Variants in DCAF4 observed in about 807,000 individuals in gnomAD.
DCAF4 encodes DDB1 and CUL4 associated factor 4, also known as DDB1- and CUL4-associated factor 4.
DCAF4 carries 37 observed loss-of-function variants against 60.9 expected under a neutral mutation model. The ratio of observed to expected loss-of-function variants is 0.61; its 90% CI spans 0.47 to 0.80. The LOEUF (loss-of-function observed/expected upper bound fraction) is 0.80, where lower values mean the gene tolerates loss of function less well. Ranked by LOEUF, DCAF4 falls within the 30% of genes least tolerant of loss-of-function variation. DCAF4 has a pLI of 0.00. For missense variants in DCAF4, 577 were observed against 650.0 expected, an observed-to-expected ratio of 0.89 and a Z score of 1.22; for synonymous variants, 243 against 254.8, an observed-to-expected ratio of 0.95 and a Z score of 0.44.
At chr14:72,927,380 G>A (rs990643988) in intron 1 of DCAF4, among the ~76,000 whole-genome samples, 7 of 132,968 alleles carry the variant, frequency 5.3e-5, no homozygotes, top group Non-Finnish European at 1.1e-4. Flanking sequence ...TTGAGGCGGA[G>A]TCTCGCTGTC....
At chr14:72,954,072 G>A in intron 9 of DCAF4, 92 bp from the exon 10 acceptor site, 1 of 1,338,802 alleles carries the variant, frequency 7.5e-7, no homozygotes, top group Non-Finnish European at 1.1e-6. Flanking sequence ...CCTCTGAGCA[G>A]CTATGGGCAT....
chr14:72,948,628 A>G (rs750983329), intron 8 of DCAF4, among the ~76,000 whole-genome samples: 11 of 151,462 alleles, frequency 7.3e-5, no homozygotes, highest in South Asian at 2.1e-4. Flanking sequence ...TAAGGAGAGG[A>G]AAAAAAAATC....
intron 1 of DCAF4, among the ~76,000 whole-genome samples, chr14:72,930,544 C>CA (rs1555521634): frequency 6.6e-6 from 1 of 152,180 alleles, no homozygotes; most frequent in Non-Finnish European, 1.5e-5. Flanking sequence ...GCTGGGATTA[C>CA]AGGCGTGAGC....
At chr14:72,938,828 T>G (rs934834573) in intron 2 of DCAF4, among the ~76,000 whole-genome samples, 3 of 152,016 alleles carry the variant, frequency 2.0e-5, no homozygotes, top group Non-Finnish European at 4.4e-5. Context: ...GAGTGATGAG[T>G]GAACACAAAG....
At chr14:72,956,033 C>G (rs899970548) in intron 12 of DCAF4, among the ~76,000 whole-genome samples, 2 of 145,602 alleles carry the variant, frequency 1.4e-5, no homozygotes, top group African/African-American at 5.1e-5. Flanking sequence ...AGCGATTCTC[C>G]TGCCTCAGCC....
chr14:72,958,017 G>T (rs1892519924), intron 13 of DCAF4: 2 of 153,932 alleles, frequency 1.3e-5, no homozygotes, highest in South Asian at 4.1e-4. Flanking sequence ...AACATGAAAA[G>T]ATCAGGCCAG....
intron 1 of DCAF4, among the ~76,000 whole-genome samples, chr14:72,936,257 A>C (rs1389550341): frequency 6.6e-6 from 1 of 152,228 alleles, no homozygotes; most frequent in Non-Finnish European, 1.5e-5. Flanking sequence ...ATTGTTTAGG[A>C]CAATGAATAA....
Position 72,959,580 on chromosome 14 carries a change from T to C in DCAF4, c.*775T>C, listed in dbSNP as rs1892708976. The C allele has an allele frequency of 1.0e-6, 1 of 985,348 alleles. No homozygotes were observed. The highest frequency in any genetic ancestry group is 1.2e-6 in the Non-Finnish European group (1 of 829,948). The allele number at this position is 985,348 out of a possible 1,614,324, so 61.0% of individuals were successfully genotyped here. ...ACTTTTTGTAATCTAGGAGCGACAG[T>C]TCGTGAGATGTTTATTCAGTGTTAA... On this transcript the variant is annotated 3_prime_UTR_variant, in exon 14 of 14. Coordinates refer to ENST00000358377, the MANE Select transcript of DCAF4 (RefSeq NM_015604.4).
chr14:72,939,085 G>C (rs1428553426), intron 2 of DCAF4, among the ~76,000 whole-genome samples: 1 of 152,054 alleles, frequency 6.6e-6, no homozygotes, highest in Admixed American at 6.5e-5. Flanking sequence ...CGGGTGTGGT[G>C]GCTGACGCCT....
chr14:72,953,687 G>A (rs1891740207), intron 9 of DCAF4, among the ~76,000 whole-genome samples: 1 of 83,660 alleles, frequency 1.2e-5, no homozygotes, highest in Non-Finnish European at 2.5e-5. Flanking sequence ...TCCAGACTGG[G>A]CAAAAGAACA....
intron 9 of DCAF4, among the ~76,000 whole-genome samples, chr14:72,953,732 A>AAAAAAAAATATATATATATAT (rs1555527852): frequency 9.2e-5 from 2 of 21,778 alleles, no homozygotes; most frequent in African/African-American, 4.7e-4. Flanking sequence ...AAAAAAAAAA[A>AAAAAAAAATATATATATATAT]ATATATATAT....
intron 6 of DCAF4, among the ~76,000 whole-genome samples, chr14:72,945,081 TC>T (rs958595500): frequency 2.3e-4 from 35 of 150,662 alleles, no homozygotes; most frequent in African/African-American, 7.1e-4. Context: ...AGAGTAAGAC[TC>T]CCTCTCAAAA....
chr14:72,928,459 T>C (rs1567289772), intron 1 of DCAF4, among the ~76,000 whole-genome samples: 1 of 150,378 alleles, frequency 6.6e-6, no homozygotes, highest in Non-Finnish European at 1.5e-5. Flanking sequence ...CCTCCCAAAG[T>C]GCTGGGATTA....
At chr14:72,930,961 G>A (rs1888493075) in intron 1 of DCAF4, among the ~76,000 whole-genome samples, 1 of 152,114 alleles carries the variant, frequency 6.6e-6, no homozygotes, top group South Asian at 2.1e-4. Context: ...CTACTCCATT[G>A]ATCTATATTT....
Position 72,929,078 on chromosome 14 carries a change from A to G in DCAF4, c.-9+2535A>G, listed in dbSNP as rs116769952. On this transcript the variant is annotated intron_variant, in intron 1 of 13. Coordinates refer to ENST00000358377, the MANE Select transcript of DCAF4 (RefSeq NM_015604.4). ...CGTCCCAGCACTGCGGGCGGCACGG[A>G]CGCCCGGGGCTGCTCCCTACTGGGT... Among the ~76,000 whole-genome samples the G allele has an allele frequency of 3.3e-3, 495 of 152,242 alleles. 2 individuals are homozygous for G. Among genetic ancestry groups the G allele is most frequent in the African/African-American group, 0.012 (483 of 41,534 alleles).
Position 72,939,810 on chromosome 14 carries a change from C to T in DCAF4, c.101C>T (p.Ser34Phe), listed in dbSNP as rs145638558. 34 of 1,611,810 alleles carry T rather than the reference C, an allele frequency of 2.1e-5. No homozygotes were observed. In the African/African-American group the frequency reaches 4.4e-4, roughly 21 times the overall value. The change falls in exon 3 of 14, where the codon TCC becomes TTC. Residue 34 changes from serine (S) to phenylalanine (F), a missense_variant. By Grantham distance (155) the Ser-to-Phe change is radical. Coordinates refer to ENST00000358377, the MANE Select transcript of DCAF4 (RefSeq NM_015604.4). ...CAGCTGTGTGTCAACAGGTCTGACT[C>T]CCGGGCAGCACAGCCCGCTCACGAT... ...RLRDSEDRSD[S>F]RAAQPAHDSG...
At chr14:72,956,286 C>G in intron 12 of DCAF4, 100 bp from the exon 13 acceptor site, 2 of 805,622 alleles carry the variant, frequency 2.5e-6, no homozygotes, top group South Asian at 1.8e-5. Flanking sequence ...ATGACCTGCA[C>G]AGGCCACTGG....
In DCAF4 at chr14:72,955,676, G is replaced by T. The variant is rs1455597911; in HGVS notation, c.1159G>T (p.Ala387Ser). 1.2e-6 allele frequency: 2 copies of T among 1,613,704 alleles called. No individual in the cohort carries two copies. The highest frequency in any genetic ancestry group is 1.7e-6 in the Non-Finnish European group (2 of 1,179,850). Residue 387 changes from alanine (A) to serine (S), a missense_variant, in exon 12 of 14, where the codon GCT (alanine) becomes TCT (serine). Coordinates refer to ENST00000358377, the MANE Select transcript of DCAF4 (RefSeq NM_015604.4). ...RILQDEQYLMASDMAGKIKLW... is the reference protein window; with the variant it reads ...RILQDEQYLMSSDMAGKIKLW... ...CCTCCAAGATGAGCAATACCTGATG[G>T]CTTCAGACATGGCTGGAAAGGTAGG...
intron 13 of DCAF4, among the ~76,000 whole-genome samples, chr14:72,958,286 A>G (rs966101795): frequency 6.6e-6 from 1 of 152,022 alleles, no homozygotes; most frequent in Non-Finnish European, 1.5e-5. Context: ...AAAATGGGGG[A>G]AATCAGTTGC....
Sources: gnomAD v4.1 joint callset for allele counts (sites outside exome capture counted in the v4.1 genomes callset) on GRCh38, gnomAD v4.1.1 for gene constraint, MANE v1.5 for transcripts, NCBI Gene and HGNC (gene_info 2026-07-23, HGNC 2026-07-21) for gene names.